The following BMP2K variants were observed in gnomAD, a reference collection of about 807,000 sequenced individuals.
The protein encoded by BMP2K is BMP-2-inducible protein kinase.
In BMP2K, 74 loss-of-function variants were observed where a neutral mutation model predicts 116.0. The observed-to-expected ratio is 0.64, with a 90% CI of 0.53 to 0.77. BMP2K has a LOEUF of 0.77. BMP2K is among the 30% of genes least tolerant of loss of function. The probability of loss-of-function intolerance (pLI) is 0.00; values close to 1 mark genes in which losing one functional copy is unlikely to be tolerated. For missense variants in BMP2K, 1,365 were observed against 1,403.6 expected, an observed-to-expected ratio of 0.97 and a Z score of 0.44; for synonymous variants, 486 against 502.5, an observed-to-expected ratio of 0.97 and a Z score of 0.44.
chr4:78,818,249 T>A (rs1283039972), intron 1 of BMP2K, among the ~76,000 whole-genome samples: 1 of 152,198 alleles, frequency 6.6e-6, no homozygotes, highest in Non-Finnish European at 1.5e-5. Context: ...ATACCCATCA[T>A]AATGCCTATA....
intron 10 of BMP2K, among the ~76,000 whole-genome samples, chr4:78,870,087 C>T (rs1221455390): frequency 6.6e-6 from 1 of 152,050 alleles, no homozygotes; most frequent in African/African-American, 2.4e-5. Context: ...GTATATCTTA[C>T]TTTTTAGTTA....
At chr4:78,801,711 T>G (rs1578478237) in intron 1 of BMP2K, among the ~76,000 whole-genome samples, 1 of 152,170 alleles carries the variant, frequency 6.6e-6, no homozygotes, top group Admixed American at 6.5e-5. Context: ...TTAGTGGTGG[T>G]TTATCCCAGT....
chr4:78,831,130 G>A (rs1018661537), intron 2 of BMP2K, among the ~76,000 whole-genome samples: 5 of 152,220 alleles, frequency 3.3e-5, no homozygotes, highest in South Asian at 2.1e-4. Context: ...GGAACCCCAA[G>A]GAGAGGGGGA....
chr4:78,844,036 G>A (rs978637063), intron 4 of BMP2K, among the ~76,000 whole-genome samples: 1 of 151,594 alleles, frequency 6.6e-6, no homozygotes, highest in East Asian at 1.9e-4. Context: ...ACAGTATTTC[G>A]ATAAAATGGA....
rs1158985703 is a variant in BMP2K at position 78,776,430 on chromosome 4, G to T, written c.-114G>T. 1.3e-5 allele frequency: 13 copies of T among 1,020,526 alleles called. No individual in the cohort carries two copies. The Admixed American group carries it at 5.3e-4, about 41-fold the overall frequency. The allele number at this position is 1,020,526 out of a possible 1,614,324, so 63.2% of individuals were successfully genotyped here. The stretch of plus-strand genomic sequence containing the variant: ...CGCGGAATGTGAGGCTTGGCGGGCC[G>T]CAGCACGCTCGGACGGGCCAGGGGC... On this transcript the variant is annotated 5_prime_UTR_variant, in exon 1 of 16. Transcript: ENST00000502613.
At chr4:78,882,014 T>C (rs1337910990) in intron 14 of BMP2K, among the ~76,000 whole-genome samples, 1 of 152,062 alleles carries the variant, frequency 6.6e-6, no homozygotes, top group Non-Finnish European at 1.5e-5. Flanking sequence ...AAAGCCTTTA[T>C]ATGGTCCTTA....
intron 3 of BMP2K, among the ~76,000 whole-genome samples, chr4:78,841,094 G>A (rs962762234): frequency 1.3e-5 from 2 of 152,164 alleles, no homozygotes; most frequent in Non-Finnish European, 2.9e-5. Context: ...TTTTCTGAAA[G>A]TTGGGGATTC....
intron 1 of BMP2K, among the ~76,000 whole-genome samples, chr4:78,801,344 C>CTGTGTGTGTG (rs112302359): frequency 1.8e-4 from 26 of 143,186 alleles, no homozygotes; most frequent in Non-Finnish European, 3.9e-4. Context: ...GTTGAAGTAG[C>CTGTGTGTGTG]TGTGTGTGTG....
At chr4:78,891,941 C>T (rs770641120) in intron 15 of BMP2K, among the ~76,000 whole-genome samples, 4 of 152,068 alleles carry the variant, frequency 2.6e-5, no homozygotes, top group Admixed American at 1.3e-4. Flanking sequence ...AATGCCAAAC[C>T]GACACTGAAT....
intron 10 of BMP2K, among the ~76,000 whole-genome samples, chr4:78,869,841 C>T (rs1732244282): frequency 6.6e-6 from 1 of 152,038 alleles, no homozygotes. Context: ...ACATGCATTT[C>T]CTTATAATTA....
chr4:78,829,782 T>TC (rs1560518659), intron 2 of BMP2K, among the ~76,000 whole-genome samples: 2 of 64,590 alleles, frequency 3.1e-5, no homozygotes, highest in African/African-American at 1.3e-4. Context: ...TTTCTTTTCT[T>TC]TTCTTTTCTC....
At chr4:78,850,901 A>G (rs1226106315) in intron 6 of BMP2K, 23 bp from the exon 7 acceptor site, 2 of 1,608,106 alleles carry the variant, frequency 1.2e-6, no homozygotes, top group Admixed American at 1.7e-5. Context: ...CTCTAATGAT[A>G]TTTATGCTTC....
intron 15 of BMP2K, among the ~76,000 whole-genome samples, chr4:78,904,164 T>C (rs1734166336): frequency 6.6e-6 from 1 of 151,894 alleles, no homozygotes; most frequent in Non-Finnish European, 1.5e-5. Flanking sequence ...TTTGAAACGA[T>C]AGGAAGTCAT....
intron 14 of BMP2K, among the ~76,000 whole-genome samples, chr4:78,882,938 G>A (rs1033149389): frequency 2.4e-4 from 36 of 151,952 alleles, no homozygotes; most frequent in African/African-American, 8.2e-4. Context: ...GAATAACAGA[G>A]CTTTTCAAAT....
At chr4:78,871,413 G>A (rs1033098644) in intron 11 of BMP2K, among the ~76,000 whole-genome samples, 1 of 152,150 alleles carries the variant, frequency 6.6e-6, no homozygotes, top group African/African-American at 2.4e-5. Context: ...CTTTTCAGAA[G>A]TAACATTGTC....
chr4:78,893,538 G>T (rs962395966), intron 15 of BMP2K, among the ~76,000 whole-genome samples: 1 of 152,182 alleles, frequency 6.6e-6, no homozygotes. Flanking sequence ...ATCTGTAACA[G>T]TTATAACCTT....
intron 15 of BMP2K, among the ~76,000 whole-genome samples, chr4:78,903,343 T>C (rs985709358): frequency 6.6e-6 from 1 of 152,044 alleles, no homozygotes; most frequent in African/African-American, 2.4e-5. Context: ...AATGCATAAA[T>C]GTACATAATT....
rs553683426 is a variant in BMP2K at position 78,912,980 on chromosome 4, T to G, written c.*947T>G. On this transcript the variant is annotated 3_prime_UTR_variant, in exon 16 of 16. Transcript: ENST00000502613. Reference sequence around the variant, plus strand: ...ATTGGAAAAATTGGAGGACAAGGGTTGTATAAAAATTTTATTTTATGAAGA... The same window carrying G: ...ATTGGAAAAATTGGAGGACAAGGGTGGTATAAAAATTTTATTTTATGAAGA... 1.9e-4 allele frequency: 29 copies of G among 152,270 alleles called. No homozygotes were observed. The highest frequency in any genetic ancestry group is 3.4e-3 in the Middle Eastern group (1 of 294). The allele number at this position is 152,270 out of a possible 1,614,324, so 9.4% of individuals were successfully genotyped here. A position where few individuals can be genotyped will look rare whatever the true frequency, so the allele number is the denominator to read the frequency against.
At chr4:78,846,436 T>C (rs1277915842) in intron 5 of BMP2K, among the ~76,000 whole-genome samples, 2 of 151,694 alleles carry the variant, frequency 1.3e-5, no homozygotes, top group Non-Finnish European at 3.0e-5. Context: ...AAGATACTTC[T>C]TGCAAAATAA....
Sources: gnomAD v4.1 joint callset for allele counts (sites outside exome capture counted in the v4.1 genomes callset) on GRCh38, gnomAD v4.1.1 for gene constraint, MANE v1.5 for transcripts, NCBI Gene and HGNC (gene_info 2026-07-23, HGNC 2026-07-21) for gene names.